Variants in CACNA1B observed in about 807,000 individuals in gnomAD.
The protein encoded by CACNA1B is calcium voltage-gated channel subunit alpha1 B, also known as voltage-dependent N-type calcium channel subunit alpha-1B.
CACNA1B carries 70 observed loss-of-function variants against 247.2 expected under a neutral mutation model. The ratio of observed to expected loss-of-function variants is 0.28; its 90% CI spans 0.23 to 0.35. The LOEUF is 0.35. Among genes scored for constraint, CACNA1B ranks in the 10% least tolerant of loss-of-function variants. CACNA1B has a pLI of 1.00. For missense variants in CACNA1B, 2,367 were observed against 3,197.4 expected, an observed-to-expected ratio of 0.74 and a Z score of 6.26; for synonymous variants, 1,231 against 1,294.4, an observed-to-expected ratio of 0.95 and a Z score of 1.05.
intron 36 of CACNA1B, among the ~76,000 whole-genome samples, chr9:138,088,143 T>C (rs1334919664): frequency 6.6e-6 from 1 of 152,058 alleles, no homozygotes; most frequent in Non-Finnish European, 1.5e-5. Flanking sequence ...CCGTGGCAAG[T>C]GGATCACTTG....
intron 40 of CACNA1B, 63 bp downstream of exon 40, chr9:138,112,568 G>C (rs1040349015): frequency 3.7e-6 from 4 of 1,094,332 alleles, no homozygotes; most frequent in African/African-American, 1.5e-5. Context: ...AGAGTGGCTG[G>C]AGGGCTGTGG....
At chr9:137,904,978 G>C (rs962368735) in intron 3 of CACNA1B, among the ~76,000 whole-genome samples, 1 of 152,104 alleles carries the variant, frequency 6.6e-6, no homozygotes, top group African/African-American at 2.4e-5. Context: ...GATTTTGTGC[G>C]TAGAAAATAT....
chr9:137,983,756 C>T (rs1297677909), intron 12 of CACNA1B, among the ~76,000 whole-genome samples: 2 of 152,018 alleles, frequency 1.3e-5, no homozygotes, highest in Non-Finnish European at 2.9e-5. Context: ...TTGCCCAGCT[C>T]CAGAGGTGTT....
chr9:138,051,743 C>T lies in CACNA1B; in HGVS notation c.3711-349C>T, dbSNP rs1959289303. ...CTCGCCCTAGAAACGTGCTTGTGGG[C>T]TCCCACTTCTGGGTCTGCAGTCCTC... On this transcript the variant is annotated intron_variant, in intron 24 of 46. Coordinates refer to ENST00000371372, the MANE Select transcript of CACNA1B (RefSeq NM_000718.4). The surrounding 1 kb of genome is among the most constrained non-coding windows in gnomAD (Gnocchi z 4.3). Among the ~76,000 whole-genome samples the T allele has an allele frequency of 1.3e-5, 2 of 152,152 alleles. No individual in the cohort carries two copies. The highest frequency in any genetic ancestry group is 4.1e-4 in the South Asian group (2 of 4,830).
At chr9:138,091,920 G>A (rs780974968) in intron 36 of CACNA1B, among the ~76,000 whole-genome samples, 11 of 152,152 alleles carry the variant, frequency 7.2e-5, no homozygotes, top group South Asian at 2.1e-4. Context: ...CTGGGCCTCC[G>A]GGGGTGACAT....
At chr9:137,918,450 C>T (rs1957442319) in intron 6 of CACNA1B, among the ~76,000 whole-genome samples, 1 of 152,134 alleles carries the variant, frequency 6.6e-6, no homozygotes, top group Non-Finnish European at 1.5e-5. Flanking sequence ...GGTCAGGAAT[C>T]TGGGAGGGGT....
chr9:138,027,879 T>A (rs954420210), intron 20 of CACNA1B, among the ~76,000 whole-genome samples: 7 of 152,168 alleles, frequency 4.6e-5, no homozygotes, highest in African/African-American at 1.7e-4. Context: ...AAGCGAGATG[T>A]GTTCTGTAGC....
At chr9:137,916,455 C>T (rs1457630193) in intron 5 of CACNA1B, among the ~76,000 whole-genome samples, 1 of 152,110 alleles carries the variant, frequency 6.6e-6, no homozygotes, top group Non-Finnish European at 1.5e-5. Flanking sequence ...TTTCTTTAAC[C>T]CCTCTTTCTC....
chr9:137,902,640 C>T (rs577422740), intron 3 of CACNA1B, among the ~76,000 whole-genome samples: 2 of 152,314 alleles, frequency 1.3e-5, no homozygotes, highest in African/African-American at 4.8e-5. Context: ...CTTTATGACA[C>T]ACACTGCCAC....
chr9:138,088,245 T>C (rs1395045221), intron 36 of CACNA1B, among the ~76,000 whole-genome samples: 2 of 151,856 alleles, frequency 1.3e-5, no homozygotes, highest in Non-Finnish European at 2.9e-5. Flanking sequence ...GGCGGGCACC[T>C]GTAAGCCCAT....
chr9:137,904,335 T>G (rs1957272780), intron 3 of CACNA1B, among the ~76,000 whole-genome samples: 1 of 150,608 alleles, frequency 6.6e-6, no homozygotes, highest in African/African-American at 2.4e-5. Context: ...TATTTTACTA[T>G]TTCTCTCTCT....
In CACNA1B at chr9:137,957,015, C is replaced by T. The variant is rs929027479; in HGVS notation, c.1243+188C>T. Among the ~76,000 whole-genome samples, 2 of 152,228 alleles carry T rather than the reference C, an allele frequency of 1.3e-5. No homozygotes were observed. The highest frequency in any genetic ancestry group is 3.9e-4 in the East Asian group (2 of 5,188). On this transcript the variant is annotated intron_variant, in intron 9 of 46. Transcript: ENST00000371372. The surrounding 1 kb of genome is among the most constrained non-coding windows in gnomAD (Gnocchi z 4.7). ...TGGCACCTGACACAGGCCCACACTG[C>T]AGGTTTAAACCGAGCTGTGTCTATC...
chr9:137,906,611 A>T (rs963481786), intron 3 of CACNA1B, among the ~76,000 whole-genome samples: 5 of 145,238 alleles, frequency 3.4e-5, no homozygotes, highest in Admixed American at 6.9e-5. Flanking sequence ...TGATGTCTTA[A>T]CATACATGTT....
intron 37 of CACNA1B, chr9:138,101,204 T>C (rs1356391734): frequency 3.8e-6 from 2 of 528,992 alleles, no homozygotes; most frequent in Non-Finnish European, 7.8e-6. Context: ...CTACAAGGTT[T>C]GCAACTTCAG....
chr9:137,979,307 T>C (rs1454362744), intron 12 of CACNA1B, among the ~76,000 whole-genome samples: 1 of 152,096 alleles, frequency 6.6e-6, no homozygotes, highest in Non-Finnish European at 1.5e-5. Context: ...GAGAATCTGG[T>C]GTCAAGCTCA....
chr9:137,935,440 T>C (rs1204283996), intron 6 of CACNA1B, among the ~76,000 whole-genome samples: 1 of 152,214 alleles, frequency 6.6e-6, no homozygotes, highest in Non-Finnish European at 1.5e-5. Flanking sequence ...AAATCATCCT[T>C]TTTTATGGCT....
intron 15 of CACNA1B, among the ~76,000 whole-genome samples, chr9:137,998,034 T>C (rs763250746): frequency 1.3e-5 from 2 of 152,092 alleles, no homozygotes; most frequent in African/African-American, 2.4e-5. Flanking sequence ...GTTTATGATA[T>C]GGATGTAGTA....
chr9:138,022,815 G>A (rs886609470), intron 18 of CACNA1B, among the ~76,000 whole-genome samples, 196 bp from the exon 19 acceptor site: 1 of 151,722 alleles, frequency 6.6e-6, no homozygotes, highest in Non-Finnish European at 1.5e-5. Flanking sequence ...TGGGGGGGGG[G>A]GGCGGCGGGG....
chr9:138,110,465 A>G (rs1455771104), intron 39 of CACNA1B, among the ~76,000 whole-genome samples: 2 of 152,114 alleles, frequency 1.3e-5, no homozygotes, highest in African/African-American at 2.4e-5. Flanking sequence ...TGTACCTGCA[A>G]TCCCAGCTTT....
Sources: allele counts gnomAD v4.1 joint callset (sites outside exome capture counted in the v4.1 genomes callset), GRCh38; gene constraint gnomAD v4.1.1; non-coding constraint Gnocchi (gnomAD v3.1); transcripts MANE v1.5; gene names NCBI Gene and HGNC (gene_info 2026-07-23, HGNC 2026-07-21).